COX7B2: variants seen among roughly 807,000 people sequenced by gnomAD.
COX7B2 encodes the protein cytochrome c oxidase subunit 7B2.
For missense variants in COX7B2, 109 were observed against 95.9 expected (o/e 1.14, Z -0.57); for synonymous variants, 37 against 32.1 (o/e 1.15, Z -0.51).
intron 2 of COX7B2, among the ~76,000 whole-genome samples, chr4:46,826,738 AC>A: frequency 6.6e-6 from 1 of 152,054 alleles, no homozygotes; most frequent in South Asian, 2.1e-4. Flanking sequence ...CAGGCTCTTA[AC>A]CTTAGCAATC....
intron 2 of COX7B2, among the ~76,000 whole-genome samples, chr4:46,765,692 G>T (rs1438338342): frequency 6.6e-6 from 1 of 151,942 alleles, no homozygotes; most frequent in Non-Finnish European, 1.5e-5. Flanking sequence ...AGCCGATGTG[G>T]CCCCAGGCAC....
intron 2 of COX7B2, among the ~76,000 whole-genome samples, chr4:46,783,340 C>T (rs1296453824): frequency 1.3e-5 from 2 of 152,200 alleles, no homozygotes; most frequent in African/African-American, 4.8e-5. Flanking sequence ...TGTAATTGAC[C>T]TGTAACCAGG....
intron 2 of COX7B2, among the ~76,000 whole-genome samples, chr4:46,806,993 TC>T (rs1442753459): frequency 4.6e-5 from 7 of 152,014 alleles, no homozygotes; most frequent in African/African-American, 1.7e-4. Flanking sequence ...AGTGCAGATG[TC>T]TTTTTGAGGT....
At chr4:46,850,597 C>T (rs2109777924) in intron 1 of COX7B2, among the ~76,000 whole-genome samples, 1 of 152,166 alleles carries the variant, frequency 6.6e-6, no homozygotes, top group Non-Finnish European at 1.5e-5. Flanking sequence ...TAAAGTGCCA[C>T]ATGAAGTTAC....
intron 2 of COX7B2, among the ~76,000 whole-genome samples, chr4:46,819,575 T>C (rs1371585792): frequency 6.0e-5 from 9 of 150,070 alleles, no homozygotes; most frequent in African/African-American, 2.2e-4. Flanking sequence ...GACAAATAAC[T>C]CTCATTATGT....
At chr4:46,756,526 G>A (rs1056158235) in intron 2 of COX7B2, among the ~76,000 whole-genome samples, 1 of 151,894 alleles carries the variant, frequency 6.6e-6, no homozygotes, top group African/African-American at 2.4e-5. Flanking sequence ...TACAGAATGG[G>A]AAAAATATTT....
chr4:46,854,131 ATATAT>A (rs1716866584), intron 1 of COX7B2, among the ~76,000 whole-genome samples: 2 of 152,180 alleles, frequency 1.3e-5, no homozygotes, highest in Admixed American at 1.3e-4. Context: ...CTTGGAACAA[ATATAT>A]TATAATCTAT....
chr4:46,804,424 A>G (rs1305971419), intron 2 of COX7B2, among the ~76,000 whole-genome samples: 1 of 152,102 alleles, frequency 6.6e-6, no homozygotes, highest in Non-Finnish European at 1.5e-5. Flanking sequence ...GGTCTGTTTT[A>G]GAGAGAGCTG....
chr4:46,831,780 G>A (rs1715127829), intron 2 of COX7B2, among the ~76,000 whole-genome samples: 1 of 151,896 alleles, frequency 6.6e-6, no homozygotes, highest in Non-Finnish European at 1.5e-5. Context: ...AGCACTCTGT[G>A]TCTAGCTCAA....
intron 2 of COX7B2, among the ~76,000 whole-genome samples, chr4:46,811,637 T>C (rs1460237501): frequency 2.0e-5 from 3 of 152,190 alleles, no homozygotes; most frequent in Non-Finnish European, 4.4e-5. Context: ...TTGTAAATTG[T>C]TGTTTCTGTG....
chr4:46,748,702 C>T (rs1715170672), intron 2 of COX7B2, among the ~76,000 whole-genome samples: 1 of 152,160 alleles, frequency 6.6e-6, no homozygotes, highest in African/African-American at 2.4e-5. Context: ...GGAAACTCTT[C>T]TTCTATTAGC....
chr4:46,837,190 G>A (rs1395935269), intron 2 of COX7B2, among the ~76,000 whole-genome samples: 1 of 151,430 alleles, frequency 6.6e-6, no homozygotes, highest in Non-Finnish European at 1.5e-5. Flanking sequence ...AAATACAGCT[G>A]CTTTAAAAAT....
chr4:46,879,822 T>C (rs1315616061), intron 1 of COX7B2, among the ~76,000 whole-genome samples: 4 of 152,176 alleles, frequency 2.6e-5, no homozygotes, highest in Admixed American at 2.6e-4. Flanking sequence ...CAACTCTTTA[T>C]TGTACCCAGA....
intron 2 of COX7B2, among the ~76,000 whole-genome samples, chr4:46,806,393 T>G (rs1292634272): frequency 6.6e-6 from 1 of 151,980 alleles, no homozygotes; most frequent in Non-Finnish European, 1.5e-5. Context: ...GTAATATTCA[T>G]AAGTTTTTTG....
At chr4:46,764,203 T>C (rs1020783882) in intron 2 of COX7B2, among the ~76,000 whole-genome samples, 1 of 152,216 alleles carries the variant, frequency 6.6e-6, no homozygotes, top group African/African-American at 2.4e-5. Context: ...TAAGTTCCTC[T>C]TTTTGAAGAT....
intron 2 of COX7B2, among the ~76,000 whole-genome samples, chr4:46,794,075 A>T (rs904509657): frequency 1.3e-5 from 2 of 152,216 alleles, no homozygotes; most frequent in Non-Finnish European, 2.9e-5. Flanking sequence ...GACAAGGCTC[A>T]AGTATCAGCA....
chr4:46,762,252 TA>T (rs1716207591), intron 2 of COX7B2, among the ~76,000 whole-genome samples: 1 of 137,534 alleles, frequency 7.3e-6, no homozygotes, highest in African/African-American at 2.8e-5. Context: ...ATTATATATT[TA>T]ATATATAATA....
intron 1 of COX7B2, among the ~76,000 whole-genome samples, chr4:46,864,232 G>A (rs1717505219): frequency 6.6e-6 from 1 of 152,078 alleles, no homozygotes; most frequent in Non-Finnish European, 1.5e-5. Context: ...TAAGCTTCAG[G>A]GGATCACCAG....
chr4:46,760,662 C>T (rs1382745247), intron 2 of COX7B2, among the ~76,000 whole-genome samples: 2 of 152,010 alleles, frequency 1.3e-5, no homozygotes, highest in Non-Finnish European at 2.9e-5. Flanking sequence ...ACCTACGTAA[C>T]AAACCTGCAC....
Sources: gnomAD v4.1 joint callset for allele counts (sites outside exome capture counted in the v4.1 genomes callset) on GRCh38, gnomAD v4.1.1 for gene constraint, MANE v1.5 for transcripts, NCBI Gene and HGNC (gene_info 2026-07-23, HGNC 2026-07-21) for gene names.